The following MTERF4 variants were observed in gnomAD, a reference collection of about 807,000 sequenced individuals.
The protein encoded by MTERF4 is transcription termination factor 4, mitochondrial.
Under a neutral mutation model 22.5 loss-of-function variants are expected in MTERF4, and 17 were observed. That is an observed-to-expected ratio of 0.75 (90% CI 0.52 to 1.13). MTERF4 has a LOEUF of 1.13. Among genes scored for constraint, MTERF4 ranks in the 50% most tolerant of loss-of-function variants. The pLI, the probability that MTERF4 is intolerant of heterozygous loss-of-function variation, is 0.00. For missense variants in MTERF4, 420 were observed against 466.8 expected (o/e 0.90, Z 0.92); for synonymous variants, 165 against 175.3 (o/e 0.94, Z 0.47).
intron 4 of MTERF4, among the ~76,000 whole-genome samples, chr2:241,079,844 C>G (rs751474513): frequency 6.6e-6 from 1 of 152,066 alleles, no homozygotes; most frequent in Non-Finnish European, 1.5e-5. Flanking sequence ...TTAGGCTATA[C>G]TCAGTGATCT....
intron 2 of MTERF4, chr2:241,099,094 TTTG>T: frequency 3.9e-6 from 1 of 253,256 alleles, no homozygotes; most frequent in Non-Finnish European, 7.6e-6. Flanking sequence ...TTTTTTTTTT[TTTG>T]AGACAGCCTT....
the MTERF4 span, among the ~76,000 whole-genome samples, chr2:241,061,792 G>T: frequency 6.6e-6 from 1 of 151,324 alleles, no homozygotes; most frequent in African/African-American, 2.4e-5. Context: ...GGCGGAGGTT[G>T]TGGTGAGCCA....
At chr2:241,079,113 C>CAAAA (rs1274280801) in intron 4 of MTERF4, among the ~76,000 whole-genome samples, 2 of 72,554 alleles carry the variant, frequency 2.8e-5, no homozygotes, top group Non-Finnish European at 5.3e-5. Flanking sequence ...GACTCCATCT[C>CAAAA]AAAAAAAAAA....
At chr2:241,076,071 C>CTT (rs1391350477) in intron 4 of MTERF4, among the ~76,000 whole-genome samples, 1 of 152,200 alleles carries the variant, frequency 6.6e-6, no homozygotes. Context: ...AACTGATTGG[C>CTT]AAAGTTCCTT....
chr2:241,046,156 C>T, the MTERF4 span, among the ~76,000 whole-genome samples: 1 of 152,154 alleles, frequency 6.6e-6, no homozygotes, highest in Non-Finnish European at 1.5e-5. Context: ...AAAAATAATA[C>T]TGACCTGGTG....
chr2:241,048,957 C>A, the MTERF4 span: 2 of 1,441,516 alleles, frequency 1.4e-6, no homozygotes, highest in East Asian at 2.5e-5. Context: ...CCATCCTTGA[C>A]AAGGACTCGA....
the MTERF4 span, chr2:241,053,368 A>C: frequency 6.6e-7 from 1 of 1,517,818 alleles, no homozygotes. Flanking sequence ...TGGGGCCCAC[A>C]CCCTCCTCAT....
the MTERF4 span, chr2:241,064,164 G>A: frequency 1.0e-5 from 14 of 1,390,858 alleles, no homozygotes; most frequent in South Asian, 7.8e-5. This position sits in a 1 kb window ranked among gnomAD's most constrained non-coding sequence, Gnocchi z 7.0. Flanking sequence ...CCCTCTGCCC[G>A]CCTGCTCCCC....
the MTERF4 span, among the ~76,000 whole-genome samples, chr2:241,060,187 C>CTT: frequency 0.024 from 3,467 of 144,774 alleles, 121 homozygotes; most frequent in African/African-American, 0.083. Context: ...AAACTATAAA[C>CTT]TTTTTTTTTT....
At chr2:241,061,124 G>C in the MTERF4 span, among the ~76,000 whole-genome samples, 2 of 151,874 alleles carry the variant, frequency 1.3e-5, no homozygotes, top group African/African-American at 4.8e-5. Flanking sequence ...ACTACAAACT[G>C]GGAGAAGAGA....
downstream of MTERF4, chr2:241,071,896 C>A: frequency 6.3e-7 from 1 of 1,583,640 alleles, no homozygotes; most frequent in Non-Finnish European, 8.6e-7. Flanking sequence ...CCAGGGCCTC[C>A]CCACCCACCT....
At chr2:241,053,518 T>C in the MTERF4 span, among the ~76,000 whole-genome samples, 1 of 152,210 alleles carries the variant, frequency 6.6e-6, no homozygotes, top group African/African-American at 2.4e-5. Flanking sequence ...CACAGTCAAC[T>C]TTGCTCTGGG....
At chr2:241,061,843 C>A in the MTERF4 span, among the ~76,000 whole-genome samples, 1 of 149,388 alleles carries the variant, frequency 6.7e-6, no homozygotes, top group African/African-American at 2.5e-5. Flanking sequence ...ACGAGCGAAA[C>A]TCCATCCCCC....
At chr2:241,061,364 C>T in the MTERF4 span, among the ~76,000 whole-genome samples, 4,871 of 152,258 alleles carry the variant, frequency 0.032, 367 homozygotes, top group East Asian at 0.21. Flanking sequence ...AAGCCTATAC[C>T]GGTGAGAATG....
At chr2:241,055,462 T>A in the MTERF4 span, among the ~76,000 whole-genome samples, 1 of 152,184 alleles carries the variant, frequency 6.6e-6, no homozygotes, top group Non-Finnish European at 1.5e-5. Context: ...AGACAGTGAA[T>A]TTTTTTAAAT....
downstream of MTERF4, chr2:241,068,044 G>A: frequency 8.7e-7 from 1 of 1,155,570 alleles, no homozygotes; most frequent in Non-Finnish European, 1.2e-6. This position sits in a 1 kb window ranked among gnomAD's most constrained non-coding sequence, Gnocchi z 5.3. Flanking sequence ...TCCGTGTGTG[G>A]ACTGTACCAC....
the MTERF4 span, chr2:241,064,159 T>C: frequency 1.4e-6 from 2 of 1,380,256 alleles, no homozygotes; most frequent in Admixed American, 2.1e-5. The surrounding 1 kb of genome is among the most constrained non-coding windows in gnomAD (Gnocchi z 7.0). Context: ...CCCCGCCCTC[T>C]GCCCGCCTGC....
chr2:241,051,871 C>T, the MTERF4 span: 1 of 1,528,134 alleles, frequency 6.5e-7, no homozygotes, highest in Non-Finnish European at 8.8e-7. This position sits in a 1 kb window ranked among gnomAD's most constrained non-coding sequence, Gnocchi z 4.7. Flanking sequence ...GTGCGGCCCC[C>T]AGGGGCAGGG....
chr2:241,078,247 G>A (rs1299807270), intron 4 of MTERF4, among the ~76,000 whole-genome samples: 2 of 151,686 alleles, frequency 1.3e-5, no homozygotes, highest in Non-Finnish European at 2.9e-5. Context: ...GCTGGGCGTG[G>A]TGGCGGGCGC....
Sources: allele counts gnomAD v4.1 joint callset (sites outside exome capture counted in the v4.1 genomes callset), GRCh38; gene constraint gnomAD v4.1.1; non-coding constraint Gnocchi (gnomAD v3.1); transcripts MANE v1.5; gene names NCBI Gene and HGNC (gene_info 2026-07-23, HGNC 2026-07-21).